The following SEC16B variants were observed in gnomAD, a reference collection of about 807,000 sequenced individuals.
The protein encoded by SEC16B is protein transport protein Sec16B.
In SEC16B, 115 loss-of-function variants were observed where a neutral mutation model predicts 141.8. The observed-to-expected ratio is 0.81, with a 90% CI of 0.70 to 0.95. SEC16B has a LOEUF of 0.95. SEC16B is among the 40% of genes least tolerant of loss of function. SEC16B has a pLI of 0.00. For synonymous variants in SEC16B, 493 were observed against 492.5 expected (o/e 1.00, Z -0.01); for missense variants, 1,291 against 1,312.3 (o/e 0.98, Z 0.25).
At chr1:177,930,720 T>C (rs1650354637) in intron 24 of SEC16B, 77 bp from the exon 25 acceptor site, 1 of 979,600 alleles carries the variant, frequency 1.0e-6, no homozygotes, top group Admixed American at 2.2e-5. Flanking sequence ...TCAAGAAGCA[T>C]ATCAGGATTA....
chr1:177,948,093 C>T (rs894887827), intron 12 of SEC16B, among the ~76,000 whole-genome samples, 151 bp from the exon 13 acceptor site: 1 of 152,194 alleles, frequency 6.6e-6, no homozygotes, highest in African/African-American at 2.4e-5. Flanking sequence ...TTAGAGCTCT[C>T]ATCTTTAAAA....
chr1:177,930,433 A>T, intron 25 of SEC16B, 112 bp downstream of exon 25: 1 of 702,324 alleles, frequency 1.4e-6, no homozygotes, highest in Non-Finnish European at 2.4e-6. Context: ...GAGGCTAAAT[A>T]ATTGCTCAAG....
chr1:177,975,220 TG>T (rs1222421601), intron 1 of SEC16B, among the ~76,000 whole-genome samples: 1 of 152,192 alleles, frequency 6.6e-6, no homozygotes, highest in Non-Finnish European at 1.5e-5. Flanking sequence ...TCAAGCTCCA[TG>T]GGGATGTCAG....
At chr1:177,965,015 C>T (rs1399473238) in intron 4 of SEC16B, 32 bp downstream of exon 4, 1 of 1,609,830 alleles carries the variant, frequency 6.2e-7, no homozygotes, top group Non-Finnish European at 8.5e-7. Flanking sequence ...TTGACAACAT[C>T]ATGTCAAACT....
At chr1:177,952,183 C>T (rs1652245593) in intron 11 of SEC16B, among the ~76,000 whole-genome samples, 188 bp from the exon 12 acceptor site, 1 of 152,214 alleles carries the variant, frequency 6.6e-6, no homozygotes, top group African/African-American at 2.4e-5. Context: ...GATCCTCATT[C>T]TACCGCACAC....
chr1:177,953,071 T>C (rs2101957061), intron 11 of SEC16B, among the ~76,000 whole-genome samples: 1 of 150,486 alleles, frequency 6.6e-6, no homozygotes, highest in East Asian at 2.0e-4. Context: ...AACGATGTGA[T>C]CTCTGCTCAC....
chr1:177,968,638 G>A (rs1653740565), intron 1 of SEC16B, among the ~76,000 whole-genome samples: 1 of 152,140 alleles, frequency 6.6e-6, no homozygotes, highest in South Asian at 2.1e-4. Context: ...TGTTATCAAG[G>A]ATAAAGATTA....
At position 177,960,887 on chromosome 1, in the gene SEC16B, A is replaced by C. The variant is rs1653008649; in HGVS notation, c.840T>G (p.Val280=). The change falls in exon 7 of 26, where the codon GTT becomes GTG. Residue 280 remains valine, a synonymous_variant. Coordinates refer to ENST00000308284, the MANE Select transcript of SEC16B (RefSeq NM_033127.4). The part of the protein sequence containing the change: ...KAPMKFYIPH[V]PVSFGPGGQL... The stretch of plus-strand genomic sequence containing the variant: ...GACCTCCTGGCCCGAAACTCACAGG[A>C]ACATGAGGGATGTAGAACTTCATGG... 6.2e-7 allele frequency: 1 copy of C among 1,601,614 alleles called. No homozygotes were observed. The highest frequency in any genetic ancestry group is 1.4e-5 in the African/African-American group (1 of 73,990).
chr1:177,966,883 A>G (rs1256058354), intron 2 of SEC16B, among the ~76,000 whole-genome samples: 1 of 152,142 alleles, frequency 6.6e-6, no homozygotes, highest in African/African-American at 2.4e-5. Context: ...CCAATTAGCA[A>G]TTCTTTAGTA....
rs1284714678 is a variant in SEC16B, at chr1:177,958,247, G to C, written c.1250C>G (p.Pro417Arg). The change falls in exon 10 of 26, where the codon CCA becomes CGA. Residue 417 changes from proline to arginine, a missense_variant. By Grantham distance (103) the Pro-to-Arg change is moderately radical. Around this residue, in one of 3 missense-constraint regions of SEC16B, gnomAD observed 681 missense variants for 675.5 expected, o/e 1.01. Transcript: ENST00000308284. ...NLINLTDEDW[P>R]VLSSGTPNLL... is the part of the protein sequence containing the mutation. Reference sequence around the variant, plus strand: ...GTTCGGGGTCCCAGAGCTCAGCACTGGCCAGTCCTCATCGGTCAGGTTGAT... The same window carrying C: ...GTTCGGGGTCCCAGAGCTCAGCACTCGCCAGTCCTCATCGGTCAGGTTGAT... 6.2e-7 allele frequency: 1 copy of C among 1,609,828 alleles called. No homozygotes were observed. Among genetic ancestry groups the C allele is most frequent in the Non-Finnish European group, 8.5e-7 (1 of 1,177,960 alleles).
At chr1:177,975,224 GA>G (rs1291274732) in intron 1 of SEC16B, among the ~76,000 whole-genome samples, 1 of 152,226 alleles carries the variant, frequency 6.6e-6, no homozygotes, top group Non-Finnish European at 1.5e-5. Flanking sequence ...GCTCCATGGG[GA>G]TGTCAGCCTT....
chr1:177,961,798 C>T lies in SEC16B; in HGVS notation c.643-64G>A, dbSNP rs1241646339. On this transcript the variant is annotated intron_variant, in intron 5 of 25. Coordinates refer to ENST00000308284, the MANE Select transcript of SEC16B (RefSeq NM_033127.4). ...AGAGAGCTGGTCTTCTCAAGCGTTC[C>T]TTCAAAGAAACAAAATACATACGGT... 4.0e-6 allele frequency: 6 copies of T among 1,485,780 alleles called. No homozygotes were observed. The Admixed American group carries it at 1.1e-4, about 28-fold the overall frequency. 92.0% of individuals were successfully genotyped at this position (1,485,780 alleles called of 1,614,324 possible). A position where few individuals can be genotyped will look rare whatever the true frequency, so the allele number is the denominator to read the frequency against.
intron 11 of SEC16B, 21 bp from the exon 12 acceptor site, chr1:177,952,016 A>G: frequency 1.3e-6 from 2 of 1,580,000 alleles, no homozygotes; most frequent in Non-Finnish European, 1.7e-6. Context: ...AAGGATAGTC[A>G]GCGAGGACCA....
chr1:177,966,812 T>C (rs925764608), intron 2 of SEC16B, among the ~76,000 whole-genome samples: 1 of 152,196 alleles, frequency 6.6e-6, no homozygotes, highest in South Asian at 2.1e-4. Flanking sequence ...CAACCTCAGA[T>C]GATCTGCCTG....
chr1:177,976,001 C>T (rs144983651), intron 1 of SEC16B, among the ~76,000 whole-genome samples: 2 of 152,196 alleles, frequency 1.3e-5, no homozygotes, highest in Non-Finnish European at 2.9e-5. Flanking sequence ...TAGCCTGGCA[C>T]AGGTGCCATA....
chr1:177,931,210 C>T (rs1419982598), intron 24 of SEC16B, among the ~76,000 whole-genome samples: 2 of 152,120 alleles, frequency 1.3e-5, no homozygotes, highest in African/African-American at 4.8e-5. Context: ...AAAGAAAATG[C>T]GGTATACGTA....
intron 10 of SEC16B, among the ~76,000 whole-genome samples, chr1:177,956,813 T>C (rs1436191613): frequency 1.3e-5 from 2 of 152,196 alleles, no homozygotes; most frequent in Admixed American, 6.5e-5. Flanking sequence ...GCATATTCAA[T>C]AAATTATATG....
At chr1:177,964,943 G>A in intron 4 of SEC16B, 104 bp downstream of exon 4, 1 of 1,357,586 alleles carries the variant, frequency 7.4e-7, no homozygotes, top group Non-Finnish European at 1.0e-6. Flanking sequence ...AAAGGTACAT[G>A]GGCTTCTGGA....
chr1:177,958,787 A>G (rs1652828332), intron 9 of SEC16B, 53 bp downstream of exon 9: 4 of 1,571,572 alleles, frequency 2.5e-6, no homozygotes, highest in South Asian at 2.4e-5. Flanking sequence ...TATCTATCCC[A>G]TGAAGACTTA....
Sources: gnomAD v4.1 joint callset for allele counts (sites outside exome capture counted in the v4.1 genomes callset) on GRCh38, gnomAD v4.1.1 for gene constraint, gnomAD v4.1.1 regional missense constraint, MANE v1.5 for transcripts, NCBI Gene and HGNC (gene_info 2026-07-23, HGNC 2026-07-21) for gene names.